Variants in CXCL17 observed in about 807,000 individuals in gnomAD.
The protein encoded by CXCL17 is C-X-C motif chemokine 17.
A neutral mutation model predicts 15.5 loss-of-function variants in CXCL17; 9 were observed. The observed-to-expected ratio is 0.58, with a 90% CI of 0.35 to 1.01. The LOEUF (loss-of-function observed/expected upper bound fraction) is 1.01, where lower values mean the gene tolerates loss of function less well. Among genes scored for constraint, CXCL17 ranks in the 50% least tolerant of loss-of-function variants. The pLI, the probability that CXCL17 is intolerant of heterozygous loss-of-function variation, is 0.02. For missense variants in CXCL17, 133 were observed against 138.2 expected (o/e 0.96, Z 0.19); for synonymous variants, 52 against 52.3 (o/e 0.99, Z 0.02).
At chr19:42,431,622 T>TA (rs1467514379) in intron 3 of CXCL17, among the ~76,000 whole-genome samples, 2 of 151,642 alleles carry the variant, frequency 1.3e-5, no homozygotes, top group East Asian at 3.9e-4. Context: ...TCATTTTTTT[T>TA]TCATTAATAT....
chr19:42,433,414 G>C (rs909121669), intron 2 of CXCL17, among the ~76,000 whole-genome samples: 1 of 152,180 alleles, frequency 6.6e-6, no homozygotes, highest in African/African-American at 2.4e-5. Context: ...AAGCCATTTT[G>C]CCTCTCTGCT....
At chr19:42,437,321 G>A (rs895137931) in intron 1 of CXCL17, among the ~76,000 whole-genome samples, 1 of 152,280 alleles carries the variant, frequency 6.6e-6, no homozygotes, top group Middle Eastern at 3.4e-3. Context: ...CAGGTTTGAT[G>A]TATGCTTAGT....
chr19:42,439,455 A>T (rs1436611211), intron 1 of CXCL17, among the ~76,000 whole-genome samples: 1 of 145,882 alleles, frequency 6.9e-6, no homozygotes, highest in Non-Finnish European at 1.5e-5. Context: ...ATAACTGGTG[A>T]ATAACAAGAA....
At chr19:42,442,229 C>CTTTTTT (rs10527944) in intron 1 of CXCL17, among the ~76,000 whole-genome samples, 12 of 122,098 alleles carry the variant, frequency 9.8e-5, no homozygotes, top group Admixed American at 1.9e-4. Flanking sequence ...CTTTTCTTTC[C>CTTTTTT]TTTTTTTTTT....
At position 42,430,634 on chromosome 19, in the gene CXCL17, T is replaced by TTGCCAACAGCAC. The variant is rs2040770109; in HGVS notation, c.263-1665_263-1654dup. Among the ~76,000 whole-genome samples, 5 of 151,646 alleles carry TTGCCAACAGCAC rather than the reference T, an allele frequency of 3.3e-5. No individual in the cohort carries two copies. In the South Asian group the frequency reaches 1.0e-3, roughly 32 times the overall value. Reference sequence around the variant, plus strand: ...AAGAAAGAAAGAAAGAAATAGAATATTGCCAACAGCACCCCTCCTTTTCTG... The same window carrying TTGCCAACAGCAC: ...AAGAAAGAAAGAAAGAAATAGAATATTGCCAACAGCACTGCCAACAGCACCCCTCCTTTTCTG... On this transcript the variant is annotated intron_variant, in intron 3 of 3. Transcript: ENST00000601181.
chr19:42,439,655 C>T (rs1417081793), intron 1 of CXCL17, among the ~76,000 whole-genome samples: 3 of 152,192 alleles, frequency 2.0e-5, no homozygotes, highest in Non-Finnish European at 4.4e-5. Context: ...GGGGCTCTTG[C>T]TGGGATGTCC....
intron 3 of CXCL17, among the ~76,000 whole-genome samples, chr19:42,430,106 G>C (rs1480481087): frequency 1.3e-5 from 2 of 152,032 alleles, no homozygotes; most frequent in Non-Finnish European, 2.9e-5. Context: ...GGTGAGCCGT[G>C]ATCATGCCAC....
intron 3 of CXCL17, among the ~76,000 whole-genome samples, chr19:42,430,488 G>A (rs2040767318): frequency 1.3e-5 from 2 of 151,646 alleles, no homozygotes; most frequent in South Asian, 2.1e-4. Flanking sequence ...CAGCTCCTCA[G>A]GAGGCTGAGG....
chr19:42,432,874 TG>T, intron 3 of CXCL17, 101 bp downstream of exon 3: 1 of 826,202 alleles, frequency 1.2e-6, no homozygotes, highest in Non-Finnish European at 2.0e-6. Flanking sequence ...GTGCTTATCC[TG>T]GTCTTAATTT....
rs577224145 is a variant in CXCL17, at chr19:42,436,533, G to T, written c.80-2677C>A. Among the ~76,000 whole-genome samples, 3 of 149,604 alleles carry T rather than the reference G, an allele frequency of 2.0e-5. No homozygotes were observed. The East Asian group carries it at 5.9e-4, about 30-fold the overall frequency. On this transcript the variant is annotated intron_variant, in intron 1 of 3. Coordinates refer to ENST00000601181, the MANE Select transcript of CXCL17 (RefSeq NM_198477.3). ...TAATTTAACTGTTGGAGAAAATTTT[G>T]AAAGTACAAACAGAGAAATTATTAT...
chr19:42,430,979 A>C (rs2040774522), intron 3 of CXCL17, among the ~76,000 whole-genome samples: 1 of 152,158 alleles, frequency 6.6e-6, no homozygotes. Flanking sequence ...CTGGGATTAC[A>C]GATGTGCACC....
Position 42,428,806 on chromosome 19 carries a change from A to G in CXCL17, c.*78T>C, listed in dbSNP as rs764202306. The G allele has an allele frequency of 2.2e-5, 23 of 1,045,646 alleles. No homozygotes were observed. The highest frequency in any genetic ancestry group is 3.3e-5 in the Non-Finnish European group (22 of 663,472). 64.8% of individuals were successfully genotyped at this position (1,045,646 alleles called of 1,614,324 possible). ...GTACAGTGGGAGAGTGAGGTGGGAG[A>G]AGAAGAGTGTCTGGTAGGTGTGCTC... On this transcript the variant is annotated 3_prime_UTR_variant, in exon 4 of 4. Coordinates refer to ENST00000601181, the MANE Select transcript of CXCL17 (RefSeq NM_198477.3).
intron 3 of CXCL17, among the ~76,000 whole-genome samples, chr19:42,431,342 T>C (rs908108731): frequency 1.7e-4 from 26 of 152,236 alleles, no homozygotes; most frequent in African/African-American, 5.8e-4. Context: ...CCTTTGAAGG[T>C]TGTGTATGTT....
intron 1 of CXCL17, among the ~76,000 whole-genome samples, chr19:42,434,497 C>T (rs1193450688): frequency 1.3e-5 from 2 of 152,138 alleles, no homozygotes; most frequent in African/African-American, 2.4e-5. Context: ...GGTGCAATCA[C>T]GGCTCACTGC....
intron 3 of CXCL17, among the ~76,000 whole-genome samples, chr19:42,431,239 A>G (rs558027449): frequency 3.9e-5 from 6 of 152,200 alleles, no homozygotes; most frequent in Non-Finnish European, 5.9e-5. Flanking sequence ...TGAAGTGGCT[A>G]TTCAAGTATT....
chr19:42,433,932 G>T, intron 1 of CXCL17, 76 bp from the exon 2 acceptor site: 1 of 1,035,028 alleles, frequency 9.7e-7, no homozygotes, highest in South Asian at 1.3e-5. Flanking sequence ...GTTCTACCTA[G>T]GTCAGCACAG....
chr19:42,435,742 A>C (rs577856866), intron 1 of CXCL17, among the ~76,000 whole-genome samples: 33 of 151,596 alleles, frequency 2.2e-4, no homozygotes, highest in African/African-American at 8.0e-4. Flanking sequence ...AGGCAGGAGA[A>C]TTGCTTGAAC....
intron 1 of CXCL17, among the ~76,000 whole-genome samples, chr19:42,435,449 CTG>C (rs1168692539): frequency 1.3e-5 from 2 of 152,122 alleles, no homozygotes; most frequent in Admixed American, 1.3e-4. Flanking sequence ...CTCAGAATGA[CTG>C]TATATGGAGA....
rs145976117 is a variant in CXCL17 at position 42,428,777 on chromosome 19, G to T, written c.*107C>A. The T allele has an allele frequency of 1.5e-4, 120 of 814,970 alleles. No homozygotes were observed. In the East Asian group the frequency reaches 2.9e-3, roughly 20 times the overall value. The allele number at this position is 814,970 out of a possible 1,614,324, so 50.5% of individuals were successfully genotyped here. ...TTGAGAGCACTGGAATGATTTAGGGGTGGGTACAGTGGGAGAGTGAGGTGG... is the reference window on the plus strand; with the variant it reads ...TTGAGAGCACTGGAATGATTTAGGGTTGGGTACAGTGGGAGAGTGAGGTGG... On this transcript the variant is annotated 3_prime_UTR_variant, in exon 4 of 4. Transcript: ENST00000601181.
Sources: allele counts gnomAD v4.1 joint callset (sites outside exome capture counted in the v4.1 genomes callset), GRCh38; gene constraint gnomAD v4.1.1; transcripts MANE v1.5; gene names NCBI Gene and HGNC (gene_info 2026-07-23, HGNC 2026-07-21).